Variants in EGFR observed in about 807,000 individuals in gnomAD.
EGFR encodes the protein avian erythroblastic leukemia viral (v-erb-b) oncogene homolog.
A neutral mutation model predicts 143.0 loss-of-function variants in EGFR; 58 were observed. The ratio of observed to expected loss-of-function variants is 0.41; its 90% CI spans 0.33 to 0.50. The LOEUF (loss-of-function observed/expected upper bound fraction) is 0.50. Ranked by LOEUF, EGFR falls within the 20% of genes least tolerant of loss-of-function variation. The probability of loss-of-function intolerance (pLI) is 0.39; values close to 1 mark genes in which losing one functional copy is unlikely to be tolerated. For synonymous variants in EGFR, 613 were observed against 594.4 expected (o/e 1.03, Z -0.45); for missense variants, 1,307 against 1,579.0 (o/e 0.83, Z 2.92).
At chr7:55,034,065 C>T (rs1787419549) in intron 1 of EGFR, among the ~76,000 whole-genome samples, 1 of 152,148 alleles carries the variant, frequency 6.6e-6, no homozygotes, top group Non-Finnish European at 1.5e-5. Context: ...TTCCAAGGGT[C>T]CAGCTGTAGA....
intron 1 of EGFR, among the ~76,000 whole-genome samples, chr7:55,032,068 T>A (rs1027311181): frequency 6.6e-6 from 1 of 152,192 alleles, no homozygotes; most frequent in African/African-American, 2.4e-5. Context: ...TCAAGGTTGA[T>A]TTTTAGTTGA....
intron 1 of EGFR, among the ~76,000 whole-genome samples, chr7:55,133,450 A>G (rs943248726): frequency 1.6e-4 from 25 of 152,350 alleles, no homozygotes; most frequent in African/African-American, 6.0e-4. Flanking sequence ...GAGGTAGCAC[A>G]GGGCAGTCTT....
rs761127339 is a variant in EGFR at position 55,161,569 on chromosome 7, C to G, written c.1569C>G (p.Cys523Trp). Residue 523 changes from cysteine to tryptophan, a missense_variant, in exon 13 of 28, where the codon TGC becomes TGG. Cys to Trp is a radical substitution (Grantham distance 215, BLOSUM62 -2). Coordinates refer to ENST00000275493, the MANE Select transcript of EGFR (RefSeq NM_005228.5). ...GCTGGGGCCCGGAGCCCAGGGACTGCGTCTCTTGCCGGAATGTCAGCCGAG... is the reference window on the plus strand; with the variant it reads ...GCTGGGGCCCGGAGCCCAGGGACTGGGTCTCTTGCCGGAATGTCAGCCGAG... Reference protein sequence around the residue: ...EGCWGPEPRDCVSCRNVSRGR... With the variant: ...EGCWGPEPRDWVSCRNVSRGR... 6.2e-7 allele frequency: 1 copy of G among 1,614,264 alleles called. No homozygotes were observed. Among genetic ancestry groups the G allele is most frequent in the Non-Finnish European group, 8.5e-7 (1 of 1,180,038 alleles).
chr7:55,097,199 C>G (rs1388245286), intron 1 of EGFR, among the ~76,000 whole-genome samples: 2 of 152,080 alleles, frequency 1.3e-5, no homozygotes, highest in African/African-American at 2.4e-5. Context: ...ACAAGCACCC[C>G]CAGGTGATTC....
At chr7:55,196,259 C>A (rs150895916) in intron 22 of EGFR, among the ~76,000 whole-genome samples, 1,806 of 126,524 alleles carry the variant, frequency 0.014, 30 homozygotes, top group African/African-American at 0.049. Flanking sequence ...ATTTTTATTT[C>A]TTTAATGATC....
intron 19 of EGFR, among the ~76,000 whole-genome samples, chr7:55,175,817 A>G (rs1476816588): frequency 6.6e-6 from 1 of 152,178 alleles, no homozygotes; most frequent in Admixed American, 6.5e-5. Context: ...CTTAAGATAC[A>G]ATTTTTTAAT....
At chr7:55,176,783 C>T (rs2128955795) in intron 19 of EGFR, among the ~76,000 whole-genome samples, 1 of 146,954 alleles carries the variant, frequency 6.8e-6, no homozygotes, top group East Asian at 2.0e-4. Context: ...TATATATACT[C>T]TGTATATAGT....
intron 1 of EGFR, among the ~76,000 whole-genome samples, chr7:55,042,874 T>C (rs952049494): frequency 6.6e-6 from 1 of 152,168 alleles, no homozygotes; most frequent in African/African-American, 2.4e-5. Context: ...AATGACTTCA[T>C]GAGGAGGTAG....
At chr7:55,158,257 G>A (rs1785526154) in intron 11 of EGFR, among the ~76,000 whole-genome samples, 1 of 152,214 alleles carries the variant, frequency 6.6e-6, no homozygotes, top group Non-Finnish European at 1.5e-5. Flanking sequence ...CAGTGGAATA[G>A]ACATGCAGGT....
At chr7:55,203,429 G>GACAC (rs55920948) in intron 27 of EGFR, among the ~76,000 whole-genome samples, 129,760 of 148,824 alleles carry the variant, frequency 0.87, 56,473 homozygotes, top group South Asian at 0.93. Flanking sequence ...ACACAACACA[G>GACAC]ACACGTACAC....
intron 1 of EGFR, among the ~76,000 whole-genome samples, chr7:55,079,542 G>A (rs1562695838): frequency 1.3e-5 from 2 of 152,312 alleles, no homozygotes; most frequent in East Asian, 3.9e-4. Context: ...GGTCTTGTCT[G>A]CATTTACATT....
chr7:55,091,161 G>T (rs1312284906), intron 1 of EGFR, among the ~76,000 whole-genome samples: 1 of 152,168 alleles, frequency 6.6e-6, no homozygotes, highest in Non-Finnish European at 1.5e-5. Context: ...GTTTTGTTTT[G>T]TATTGGATTT....
chr7:55,181,667 C>A, intron 20 of EGFR, 189 bp downstream of exon 20: 1 of 696,330 alleles, frequency 1.4e-6, no homozygotes, highest in Non-Finnish European at 2.4e-6. Context: ...CCTGTCCCAT[C>A]TGCATGTGGA....
At chr7:55,200,663 G>C (rs1312822050) in intron 24 of EGFR, 2 of 573,626 alleles carry the variant, frequency 3.5e-6, no homozygotes, top group Non-Finnish European at 6.3e-6. Flanking sequence ...CGTCCTCACT[G>C]TCCGGCTAGC....
At chr7:55,168,372 G>A in intron 15 of EGFR, 1 of 674,786 alleles carries the variant, frequency 1.5e-6, no homozygotes, top group Non-Finnish European at 2.7e-6. Flanking sequence ...GGGCTTAGGG[G>A]AGGTCCAGAA....
chr7:55,133,467 GA>G (rs1793969196), intron 1 of EGFR, among the ~76,000 whole-genome samples: 1 of 152,176 alleles, frequency 6.6e-6, no homozygotes, highest in African/African-American at 2.4e-5. Context: ...TCTTGACTTT[GA>G]ACAAAGAGCT....
chr7:55,145,026 A>AAG (rs1794685512), intron 3 of EGFR, among the ~76,000 whole-genome samples: 1 of 152,218 alleles, frequency 6.6e-6, no homozygotes, highest in South Asian at 2.1e-4. Flanking sequence ...GTATAGATGC[A>AAG]GATTAGTTAA....
At chr7:55,200,079 G>A (rs181214294) in intron 23 of EGFR, among the ~76,000 whole-genome samples, 51 of 152,284 alleles carry the variant, frequency 3.3e-4, no homozygotes, top group Admixed American at 2.6e-3. Flanking sequence ...AAGAGTGGGC[G>A]TAGAAAAACT....
intron 1 of EGFR, among the ~76,000 whole-genome samples, chr7:55,021,614 A>G (rs1379826820): frequency 1.3e-5 from 2 of 152,252 alleles, no homozygotes; most frequent in African/African-American, 4.8e-5. Flanking sequence ...TTATTAAAAT[A>G]GGAGATGAGC....
Sources: gnomAD v4.1 joint callset for allele counts (sites outside exome capture counted in the v4.1 genomes callset) on GRCh38, gnomAD v4.1.1 for gene constraint, MANE v1.5 for transcripts, NCBI Gene and HGNC (gene_info 2026-07-23, HGNC 2026-07-21) for gene names.